NEGR1: variants seen among roughly 807,000 people sequenced by gnomAD.
NEGR1 encodes neuronal growth regulator 1.
Under a neutral mutation model 40.9 loss-of-function variants are expected in NEGR1, and 10 were observed. That is an observed-to-expected ratio of 0.24 (90% CI 0.15 to 0.42). The LOEUF (loss-of-function observed/expected upper bound fraction) is 0.42, where lower values mean the gene tolerates loss of function less well. Among genes scored for constraint, NEGR1 ranks in the 10% least tolerant of loss-of-function variants. NEGR1 has a pLI of 1.00. For synonymous variants in NEGR1, 185 were observed against 166.8 expected (o/e 1.11, Z -0.84); for missense variants, 352 against 438.9 (o/e 0.80, Z 1.77).
chr1:71,578,317 GTTC>G (rs1649025855), intron 6 of NEGR1, among the ~76,000 whole-genome samples: 1 of 152,108 alleles, frequency 6.6e-6, no homozygotes, highest in African/African-American at 2.4e-5. Flanking sequence ...GCAAAGGCAA[GTTC>G]TTCTTTAGAG....
chr1:71,455,533 T>C (rs1646666033), intron 6 of NEGR1, among the ~76,000 whole-genome samples: 1 of 152,174 alleles, frequency 6.6e-6, no homozygotes, highest in African/African-American at 2.4e-5. Flanking sequence ...GAGACCATCC[T>C]GGCCAACATG....
At chr1:71,758,062 G>A (rs999138284) in intron 3 of NEGR1, among the ~76,000 whole-genome samples, 3 of 151,826 alleles carry the variant, frequency 2.0e-5, no homozygotes, top group Admixed American at 2.0e-4. Flanking sequence ...TGTAGATAAA[G>A]AAACTGAAGC....
chr1:72,104,167 C>T (rs1205947780), intron 1 of NEGR1, among the ~76,000 whole-genome samples: 1 of 151,820 alleles, frequency 6.6e-6, no homozygotes, highest in Non-Finnish European at 1.5e-5. Context: ...GCTGAAAGCC[C>T]CTCCCAAAGA....
At chr1:71,621,499 G>A (rs1650607332) in intron 4 of NEGR1, among the ~76,000 whole-genome samples, 1 of 151,716 alleles carries the variant, frequency 6.6e-6, no homozygotes, top group Non-Finnish European at 1.5e-5. Flanking sequence ...AATTTTACAT[G>A]TTAACTTGAC....
chr1:71,670,537 T>A (rs1420156632), intron 4 of NEGR1, among the ~76,000 whole-genome samples: 1 of 152,084 alleles, frequency 6.6e-6, no homozygotes, highest in Non-Finnish European at 1.5e-5. Context: ...AGTCAAACAA[T>A]TTTAATAAGT....
At chr1:71,491,049 T>A (rs1322786793) in intron 6 of NEGR1, among the ~76,000 whole-genome samples, 2 of 152,006 alleles carry the variant, frequency 1.3e-5, no homozygotes, top group African/African-American at 4.8e-5. Context: ...ATTAAAAAAA[T>A]TCAATTGGCC....
At chr1:72,157,446 G>T (rs1046799052) in intron 1 of NEGR1, among the ~76,000 whole-genome samples, 1 of 152,036 alleles carries the variant, frequency 6.6e-6, no homozygotes, top group Non-Finnish European at 1.5e-5. Context: ...TTGCTTTTAT[G>T]ACAGTGGGTT....
chr1:72,041,440 T>C (rs2100457305), intron 1 of NEGR1, among the ~76,000 whole-genome samples: 1 of 150,924 alleles, frequency 6.6e-6, no homozygotes, highest in Non-Finnish European at 1.5e-5. Flanking sequence ...GCTTTTTTTT[T>C]TTTTTTGTCT....
At chr1:71,645,039 A>T (rs1389735278) in intron 4 of NEGR1, among the ~76,000 whole-genome samples, 1 of 151,920 alleles carries the variant, frequency 6.6e-6, no homozygotes, top group Admixed American at 6.6e-5. Context: ...AACTTTATAT[A>T]ACTTTGCTAC....
At chr1:71,502,133 G>A (rs1517758) in intron 6 of NEGR1, among the ~76,000 whole-genome samples, 38,842 of 152,004 alleles carry the variant, frequency 0.26, 6,301 homozygotes, top group East Asian at 0.61. Context: ...GCAGCCACCC[G>A]GCAAACGTAA....
rs1335768364 is a variant in NEGR1, at chr1:71,404,609, C to T, written c.*2837G>A. 1 of 150,606 alleles carries T rather than the reference C, an allele frequency of 6.6e-6. No individual in the cohort carries two copies. Among genetic ancestry groups the T allele is most frequent in the Non-Finnish European group, 1.5e-5 (1 of 67,326 alleles). 9.3% of individuals were successfully genotyped at this position (150,606 alleles called of 1,614,324 possible). ...CCTTCCTTTTTTTCCCTCTTTACTG[C>T]CTTTCCTTTTCATTCTTTTTCTTTT... On this transcript the variant is annotated 3_prime_UTR_variant, in exon 7 of 7. Transcript: ENST00000357731.
chr1:72,020,154 A>G (rs1398593976), intron 1 of NEGR1, among the ~76,000 whole-genome samples: 2 of 152,188 alleles, frequency 1.3e-5, no homozygotes, highest in Non-Finnish European at 2.9e-5. Context: ...TCCAGTATAG[A>G]TCACCTAAAA....
At chr1:71,554,798 G>A (rs1268991798) in intron 6 of NEGR1, among the ~76,000 whole-genome samples, 1 of 151,370 alleles carries the variant, frequency 6.6e-6, no homozygotes, top group Non-Finnish European at 1.5e-5. Context: ...CACCAATTAG[G>A]TTGCTGGAAT....
At chr1:72,226,006 A>C (rs138066002) in intron 1 of NEGR1, among the ~76,000 whole-genome samples, 144 of 152,012 alleles carry the variant, frequency 9.5e-4, no homozygotes, top group African/African-American at 3.3e-3. Flanking sequence ...AAAAAACTTC[A>C]GAAGATGAAG....
chr1:71,443,244 A>G (rs1008641234), intron 6 of NEGR1, among the ~76,000 whole-genome samples: 13 of 152,162 alleles, frequency 8.5e-5, no homozygotes, highest in Non-Finnish European at 1.8e-4. Context: ...ATGGGTGTTC[A>G]TTCACTCTTT....
At chr1:72,166,435 A>G (rs756248691) in intron 1 of NEGR1, among the ~76,000 whole-genome samples, 14 of 152,112 alleles carry the variant, frequency 9.2e-5, no homozygotes, top group Non-Finnish European at 1.6e-4. Flanking sequence ...GTATATATCC[A>G]AAGAAAATGA....
rs148636887 is a variant in NEGR1, at chr1:71,455,586, G to A, written c.941-48016C>T. Among the ~76,000 whole-genome samples, 505 of 152,244 alleles carry A rather than the reference G, an allele frequency of 3.3e-3. 22 individuals are homozygous for A. The East Asian group carries it at 0.08, about 24-fold the overall frequency. On this transcript the variant is annotated intron_variant, in intron 6 of 6. Transcript: ENST00000357731. ...CTAAAATACAAAAAATCAGCTGGGC[G>A]TGGTGGCACGCACCTTTAGTCCCAG...
intron 1 of NEGR1, among the ~76,000 whole-genome samples, chr1:72,277,077 T>C (rs1318348341): frequency 1.3e-5 from 2 of 152,086 alleles, no homozygotes; most frequent in South Asian, 4.1e-4. Context: ...CCCAAAACAA[T>C]GAAAGAAGGG....
intron 1 of NEGR1, among the ~76,000 whole-genome samples, chr1:72,178,529 A>G (rs10889943): frequency 0.97 from 147,391 of 151,716 alleles, 71,632 homozygotes; most frequent in East Asian, 1. Context: ...ACAGCTCTTA[A>G]TGCTTAGACT....
Sources: allele counts gnomAD v4.1 joint callset (sites outside exome capture counted in the v4.1 genomes callset), GRCh38; gene constraint gnomAD v4.1.1; transcripts MANE v1.5; gene names NCBI Gene and HGNC (gene_info 2026-07-23, HGNC 2026-07-21).